Variants in EBF1 observed in about 807,000 individuals in gnomAD.
EBF1 encodes EBF transcription factor 1.
Under a neutral mutation model 68.4 loss-of-function variants are expected in EBF1, and 10 were observed. The ratio of observed to expected loss-of-function variants is 0.15; its 90% CI spans 0.09 to 0.25. The LOEUF is 0.25. Among genes scored for constraint, EBF1 ranks in the 10% least tolerant of loss-of-function variants. EBF1 has a pLI of 1.00. For synonymous variants in EBF1, 298 were observed against 299.8 expected (o/e 0.99, Z 0.06); for missense variants, 509 against 794.4 (o/e 0.64, Z 4.32).
rs1421744233 is a variant in EBF1, at chr5:158,818,506, CTGG to C, written c.778+4667_778+4669del. On this transcript the variant is annotated intron_variant, in intron 8 of 15. Transcript: ENST00000313708. ...ACTGCAACCAAAAGGTCAGAATTCA[CTGG>C]TGGTGGTGAACACCTGACTCTATTT... Among the ~76,000 whole-genome samples the C allele has an allele frequency of 3.9e-5, 6 of 152,202 alleles. No individual in the cohort carries two copies. In the South Asian group the frequency reaches 8.3e-4, roughly 21 times the overall value.
chr5:158,702,802 G>C (rs965193954), intron 15 of EBF1, among the ~76,000 whole-genome samples: 5 of 151,252 alleles, frequency 3.3e-5, no homozygotes, highest in African/African-American at 1.2e-4. Flanking sequence ...AGGAACAGGG[G>C]GGTAAGTGAG....
chr5:158,809,118 T>A (rs981414573), intron 8 of EBF1, among the ~76,000 whole-genome samples: 1 of 152,152 alleles, frequency 6.6e-6, no homozygotes, highest in Non-Finnish European at 1.5e-5. Flanking sequence ...GGGACCTCAT[T>A]CATTTACAAA....
intron 6 of EBF1, among the ~76,000 whole-genome samples, chr5:158,857,605 A>C (rs1163833789): frequency 6.6e-6 from 1 of 152,198 alleles, no homozygotes; most frequent in Non-Finnish European, 1.5e-5. Context: ...AAAAAAAGTA[A>C]GTGTAAGTGC....
intron 6 of EBF1, among the ~76,000 whole-genome samples, chr5:158,840,966 A>C (rs4594837): frequency 0.38 from 57,592 of 151,796 alleles, 11,116 homozygotes; most frequent in South Asian, 0.58. Context: ...CCACCGCGCC[A>C]GGCCCTCCTG....
chr5:158,995,896 G>A (rs1761313365), intron 6 of EBF1, among the ~76,000 whole-genome samples: 1 of 152,094 alleles, frequency 6.6e-6, no homozygotes, highest in South Asian at 2.1e-4. Flanking sequence ...TTTATCACAT[G>A]ACGTGCAGAG....
At chr5:158,736,924 T>C (rs918367719) in intron 10 of EBF1, among the ~76,000 whole-genome samples, 2 of 152,228 alleles carry the variant, frequency 1.3e-5, no homozygotes, top group African/African-American at 2.4e-5. Flanking sequence ...AGGAAATTTG[T>C]TGCATTTCCA....
intron 7 of EBF1, among the ~76,000 whole-genome samples, chr5:158,835,335 C>T (rs1367686727): frequency 1.3e-5 from 2 of 152,192 alleles, no homozygotes; most frequent in African/African-American, 2.4e-5. Context: ...AAACCCTTTA[C>T]AGGTTAAGTG....
At chr5:159,026,251 G>A (rs1364947160) in intron 6 of EBF1, among the ~76,000 whole-genome samples, 2 of 151,858 alleles carry the variant, frequency 1.3e-5, no homozygotes, top group Non-Finnish European at 2.9e-5. Context: ...TCAGTATTTT[G>A]GTGAGTAGGC....
intron 6 of EBF1, among the ~76,000 whole-genome samples, chr5:158,867,176 A>C (rs1796071916): frequency 1.3e-5 from 2 of 152,068 alleles, no homozygotes; most frequent in Non-Finnish European, 2.9e-5. Flanking sequence ...ATCCCAGCTA[A>C]TAATGGTGTC....
At chr5:159,099,255 C>T (rs936821216) in intron 1 of EBF1, 90 bp downstream of exon 1, 1 of 1,058,564 alleles carries the variant, frequency 9.4e-7, no homozygotes, top group Non-Finnish European at 1.2e-6. Flanking sequence ...CCCGGCCCCG[C>T]GGCAGCAGCT....
At chr5:159,051,741 C>G (rs1773800202) in intron 6 of EBF1, among the ~76,000 whole-genome samples, 1 of 152,020 alleles carries the variant, frequency 6.6e-6, no homozygotes, top group African/African-American at 2.4e-5. Context: ...TGTTCCTGCT[C>G]CGTGGCCTCC....
chr5:159,098,893 GAAAAAGA>G (rs1361801513), intron 1 of EBF1, among the ~76,000 whole-genome samples: 1 of 127,252 alleles, frequency 7.9e-6, no homozygotes, highest in Non-Finnish European at 1.7e-5. Flanking sequence ...AAAAAAGAAA[GAAAAAGA>G]AAAAAGAAAG....
At chr5:159,096,834 T>C (rs1306366561) in intron 2 of EBF1, 140 bp downstream of exon 2, 3 of 1,141,096 alleles carry the variant, frequency 2.6e-6, no homozygotes, top group Non-Finnish European at 3.6e-6. Flanking sequence ...TCGTCTGGGA[T>C]GGGAAGTGGC....
chr5:158,799,132 G>C (rs1378579826), intron 8 of EBF1, among the ~76,000 whole-genome samples: 1 of 152,126 alleles, frequency 6.6e-6, no homozygotes, highest in Non-Finnish European at 1.5e-5. Context: ...GTAGTATTTA[G>C]TAACTGGAGG....
chr5:159,047,363 C>T (rs2127798941), intron 6 of EBF1, among the ~76,000 whole-genome samples: 1 of 152,304 alleles, frequency 6.6e-6, no homozygotes, highest in African/African-American at 2.4e-5. Context: ...GCTTCGAATT[C>T]TCAAAAGCTT....
At chr5:158,883,340 ACATG>A (rs1465106427) in intron 6 of EBF1, among the ~76,000 whole-genome samples, 1 of 112,334 alleles carries the variant, frequency 8.9e-6, no homozygotes, top group Non-Finnish European at 1.8e-5. Context: ...ACACACACAT[ACATG>A]CATGTATATA....
At chr5:158,761,534 T>C (rs957833807) in intron 10 of EBF1, among the ~76,000 whole-genome samples, 1 of 152,212 alleles carries the variant, frequency 6.6e-6, no homozygotes, top group African/African-American at 2.4e-5. Context: ...GTAATTCACA[T>C]TAACTTCATA....
intron 6 of EBF1, among the ~76,000 whole-genome samples, chr5:159,020,899 T>C (rs1766548590): frequency 6.6e-6 from 1 of 152,254 alleles, no homozygotes; most frequent in African/African-American, 2.4e-5. Flanking sequence ...AGAGAAGACA[T>C]ATATAGTATA....
chr5:158,845,122 T>G (rs3981205), intron 6 of EBF1, among the ~76,000 whole-genome samples: 89,044 of 151,892 alleles, frequency 0.59, 26,665 homozygotes, highest in South Asian at 0.79. Context: ...AACCCAGTGG[T>G]TTTTCAGTAA....
Sources: allele counts gnomAD v4.1 joint callset (sites outside exome capture counted in the v4.1 genomes callset), GRCh38; gene constraint gnomAD v4.1.1; transcripts MANE v1.5; gene names NCBI Gene and HGNC (gene_info 2026-07-23, HGNC 2026-07-21).